Variants in YWHAQ observed in about 807,000 individuals in gnomAD.
YWHAQ encodes the protein 14-3-3 protein theta.
A neutral mutation model predicts 28.3 loss-of-function variants in YWHAQ; 6 were observed. The ratio of observed to expected loss-of-function variants is 0.21; its 90% CI spans 0.12 to 0.42. The LOEUF is 0.42. YWHAQ is among the 10% of genes least tolerant of loss of function. YWHAQ has a pLI of 1.00. For synonymous variants in YWHAQ, 143 were observed against 119.1 expected, an observed-to-expected ratio of 1.20 and a Z score of -1.31; for missense variants, 201 against 305.6, an observed-to-expected ratio of 0.66 and a Z score of 2.55.
chr2:9,609,937 T>C (rs1326122957), intron 2 of YWHAQ, among the ~76,000 whole-genome samples: 1 of 152,098 alleles, frequency 6.6e-6, no homozygotes. Context: ...GTATTAACAG[T>C]CCAAAATAAG....
Position 9,584,182 on chromosome 2 carries a change from G to C in YWHAQ, c.*1104C>G, listed in dbSNP as rs1468725707. On this transcript the variant is annotated 3_prime_UTR_variant, in exon 6 of 6. Coordinates refer to ENST00000238081, the MANE Select transcript of YWHAQ (RefSeq NM_006826.4). ...TATCACTACTACATTTTACATAAAA[G>C]GGAAGTATCAATAAACTTTAGAAAG... 6.6e-6 allele frequency: 1 copy of C among 152,596 alleles called. No individual in the cohort carries two copies. The highest frequency in any genetic ancestry group is 1.5e-5 in the Non-Finnish European group (1 of 68,032). The allele number at this position is 152,596 out of a possible 1,614,324, so 9.5% of individuals were successfully genotyped here. A position where few individuals can be genotyped will look rare whatever the true frequency, so the allele number is the denominator to read the frequency against.
intron 2 of YWHAQ, among the ~76,000 whole-genome samples, chr2:9,602,854 AAAAAAAAAATATATATATATATATATAT>A (rs1288344671): frequency 4.3e-4 from 6 of 14,034 alleles, no homozygotes; most frequent in African/African-American, 1.4e-3. Flanking sequence ...AAAAAAAAAA[AAAAAAAAAATATATATATATATATATAT>A]ATATATATAT....
Position 9,628,269 on chromosome 2 carries a change from A to G in YWHAQ, c.294+1890T>C, listed in dbSNP as rs188121704. Among the ~76,000 whole-genome samples the G allele has an allele frequency of 3.9e-5, 6 of 152,286 alleles. No individual in the cohort carries two copies. In the East Asian group the frequency reaches 1.2e-3, roughly 29 times the overall value. On this transcript the variant is annotated intron_variant, in intron 2 of 5. Coordinates refer to ENST00000238081, the MANE Select transcript of YWHAQ (RefSeq NM_006826.4). ...CGGATTCATCAAACTAAACTATTCT[A>G]TGTCTTCTCAGTATATAAAAGAGAC...
At chr2:9,629,432 C>T (rs1667310666) in intron 2 of YWHAQ, among the ~76,000 whole-genome samples, 2 of 152,212 alleles carry the variant, frequency 1.3e-5, no homozygotes, top group South Asian at 4.1e-4. Flanking sequence ...ACCCAACAAT[C>T]GTCCTTGCTA....
intron 5 of YWHAQ, among the ~76,000 whole-genome samples, chr2:9,585,912 CAA>C (rs34640890): frequency 0.087 from 10,651 of 122,042 alleles, 458 homozygotes; most frequent in Non-Finnish European, 0.11. Flanking sequence ...GATCCTTTCT[CAA>C]AAAAAAAAAA....
At chr2:9,619,956 CAA>C (rs1667111695) in intron 2 of YWHAQ, among the ~76,000 whole-genome samples, 1 of 152,136 alleles carries the variant, frequency 6.6e-6, no homozygotes, top group African/African-American at 2.4e-5. Flanking sequence ...ATGTACAAAA[CAA>C]GAGGGAAAAT....
intron 2 of YWHAQ, among the ~76,000 whole-genome samples, chr2:9,619,191 G>T (rs1183820940): frequency 2.0e-5 from 3 of 152,118 alleles, no homozygotes; most frequent in African/African-American, 4.8e-5. Flanking sequence ...TTGATTACAA[G>T]CAGAAATGTT....
At chr2:9,601,318 T>G (rs1457526238) in intron 2 of YWHAQ, among the ~76,000 whole-genome samples, 3 of 151,902 alleles carry the variant, frequency 2.0e-5, no homozygotes, top group Non-Finnish European at 4.4e-5. Flanking sequence ...AAAAATTAGC[T>G]GGGTGTGGTG....
rs192937023 is a variant in YWHAQ, at chr2:9,599,377, A to G, written c.295-7862T>C. ...AATGAAGATGGCTACACAAAATACC[A>G]TATTTCCAATGTAGAGGAAACAGCC... On this transcript the variant is annotated intron_variant, in intron 2 of 5. Transcript: ENST00000238081. Among the ~76,000 whole-genome samples, 154 of 152,310 alleles carry G rather than the reference A, an allele frequency of 1.0e-3. 1 individual carries two copies. Among genetic ancestry groups the G allele is most frequent in the African/African-American group, 3.3e-3 (139 of 41,564 alleles).
At chr2:9,602,862 AATATATATATATATATATAT>A (rs71413909) in intron 2 of YWHAQ, among the ~76,000 whole-genome samples, 810 of 20,778 alleles carry the variant, frequency 0.039, 17 homozygotes, top group Non-Finnish European at 0.051. Context: ...AAAAAAAAAA[AATATATATATATATATATAT>A]ATATATATAT....
intron 2 of YWHAQ, among the ~76,000 whole-genome samples, chr2:9,614,412 G>C (rs1365172007): frequency 6.6e-6 from 1 of 152,158 alleles, no homozygotes; most frequent in Non-Finnish European, 1.5e-5. Context: ...TTTGGGAAAG[G>C]CATCTGTTTT....
At chr2:9,596,758 A>G (rs1485991203) in intron 2 of YWHAQ, among the ~76,000 whole-genome samples, 1 of 151,894 alleles carries the variant, frequency 6.6e-6, no homozygotes, top group Non-Finnish European at 1.5e-5. Context: ...ACTGAAGCGC[A>G]GTGGCTCAAT....
intron 3 of YWHAQ, 148 bp downstream of exon 3, chr2:9,591,244 G>A: frequency 1.0e-6 from 1 of 979,978 alleles, no homozygotes; most frequent in Non-Finnish European, 1.4e-6. Flanking sequence ...TCATTTTTGA[G>A]AACATAAGGT....
chr2:9,607,115 C>G (rs1572996966), intron 2 of YWHAQ, among the ~76,000 whole-genome samples: 1 of 152,166 alleles, frequency 6.6e-6, no homozygotes, highest in East Asian at 1.9e-4. Flanking sequence ...AACTCCTGAC[C>G]TGTGATCCGC....
At chr2:9,622,024 CG>C (rs1667150450) in intron 2 of YWHAQ, among the ~76,000 whole-genome samples, 1 of 151,974 alleles carries the variant, frequency 6.6e-6, no homozygotes, top group Non-Finnish European at 1.5e-5. Flanking sequence ...CATCACACAG[CG>C]GGGACTGTCA....
At chr2:9,590,861 C>T (rs1217803786) in intron 3 of YWHAQ, among the ~76,000 whole-genome samples, 1 of 152,202 alleles carries the variant, frequency 6.6e-6, no homozygotes, top group Non-Finnish European at 1.5e-5. Context: ...GCAAGTTATA[C>T]ACCAGCAATA....
chr2:9,612,603 T>C (rs1230870754), intron 2 of YWHAQ, among the ~76,000 whole-genome samples: 6 of 152,164 alleles, frequency 3.9e-5, no homozygotes, highest in Admixed American at 3.3e-4. Context: ...TCTGGACCAG[T>C]AGGAGGAGTG....
intron 5 of YWHAQ, among the ~76,000 whole-genome samples, chr2:9,587,114 C>T (rs1173234860): frequency 6.6e-6 from 1 of 152,142 alleles, no homozygotes; most frequent in Non-Finnish European, 1.5e-5. Context: ...TGATTTGCCC[C>T]AAAATATTGA....
In YWHAQ at chr2:9,600,661, C is replaced by T. The variant is rs180753367; in HGVS notation, c.295-9146G>A. Among the ~76,000 whole-genome samples, 225 of 151,842 alleles carry T rather than the reference C, an allele frequency of 1.5e-3. 1 individual carries two copies. The highest frequency in any genetic ancestry group is 5.2e-3 in the African/African-American group (216 of 41,360). ...CAGAGGTTGTGGTGAGCCGAGGTCG[C>T]GCCATTGCACTCCAGCCTGGGCAAC... On this transcript the variant is annotated intron_variant, in intron 2 of 5. Coordinates refer to ENST00000238081, the MANE Select transcript of YWHAQ (RefSeq NM_006826.4).
Sources: allele counts gnomAD v4.1 joint callset (sites outside exome capture counted in the v4.1 genomes callset), GRCh38; gene constraint gnomAD v4.1.1; transcripts MANE v1.5; gene names NCBI Gene and HGNC (gene_info 2026-07-23, HGNC 2026-07-21).